PRH1: variants seen among roughly 807,000 people sequenced by gnomAD.
The protein encoded by PRH1 is salivary acidic proline-rich phosphoprotein 1/2.
In PRH1, 7 loss-of-function variants were observed where a neutral mutation model predicts 7.9. That is an observed-to-expected ratio of 0.89 (90% CI 0.50 to 1.67). The LOEUF is 1.67. Ranked by LOEUF, PRH1 falls within the 40% of genes most tolerant of loss-of-function variation. The pLI is 0.00. For synonymous variants in PRH1, 45 were observed against 80.8 expected (o/e 0.56, Z 2.38); for missense variants, 109 against 223.6 (o/e 0.49, Z 3.27).
chr12:10,882,996 G>A, intron 2 of PRH1, 65 bp downstream of exon 2: 3 of 1,562,860 alleles, frequency 1.9e-6, no homozygotes, highest in South Asian at 1.1e-5. Flanking sequence ...GAAGACACTG[G>A]AGAACTCATC....
chr12:11,151,218 A>G (rs572497372), intron 1 of PRH1, among the ~76,000 whole-genome samples: 4 of 151,534 alleles, frequency 2.6e-5, no homozygotes, highest in Admixed American at 2.0e-4. Flanking sequence ...ACATCCACAC[A>G]AATGCACACG....
In PRH1 at chr12:11,097,939, A is replaced by C. The variant is rs1391662326; in HGVS notation, n.124-50751T>G. Among the ~76,000 whole-genome samples, 3 of 88,656 alleles carry C rather than the reference A, an allele frequency of 3.4e-5. 1 individual carries two copies. Among genetic ancestry groups the C allele is most frequent in the Non-Finnish European group, 5.7e-5 (2 of 35,398 alleles). The allele number at this position is 88,656 out of a possible 152,430, so 58.2% of individuals were successfully genotyped here. A position where few individuals can be genotyped will look rare whatever the true frequency, so the allele number is the denominator to read the frequency against. The stretch of plus-strand genomic sequence containing the variant: ...ATGGTATTTCATCAAGAATAATGTA[A>C]AACCAACATATTTTCAACGATTTAT... On this transcript the variant is annotated intron_variant and non_coding_transcript_variant, in intron 1 of 4. Coordinates refer to the PRH1 transcript ENST00000541977.
intron 2 of PRH1, among the ~76,000 whole-genome samples, chr12:10,966,187 G>T (rs1938491084): frequency 6.6e-6 from 1 of 152,018 alleles, no homozygotes; most frequent in South Asian, 2.1e-4. Flanking sequence ...TAGACCCTTG[G>T]TAAAGTTACT....
intron 1 of PRH1, among the ~76,000 whole-genome samples, chr12:11,004,255 G>T (rs1024275534): frequency 6.6e-6 from 1 of 152,144 alleles, no homozygotes; most frequent in African/African-American, 2.4e-5. Flanking sequence ...AGCACTTTGG[G>T]AAGCCAAGGT....
rs1169519085 is a variant in PRH1, at chr12:11,066,188, C to T, written n.124-19000G>A. Among the ~76,000 whole-genome samples, 4 of 119,606 alleles carry T rather than the reference C, an allele frequency of 3.3e-5. No individual in the cohort carries two copies. In the East Asian group the frequency reaches 8.2e-4, roughly 25 times the overall value. 78.5% of individuals were successfully genotyped at this position (119,606 alleles called of 152,430 possible). A position where few individuals can be genotyped will look rare whatever the true frequency, so the allele number is the denominator to read the frequency against. ...TTCTAAAGAATTCCACCATTTAATCCCTATCCGTGAGTATAGTTTTGTTTA... is the reference window on the plus strand; with the variant it reads ...TTCTAAAGAATTCCACCATTTAATCTCTATCCGTGAGTATAGTTTTGTTTA... On this transcript the variant is annotated intron_variant and non_coding_transcript_variant, in intron 1 of 4. Coordinates refer to the PRH1 transcript ENST00000541977.
intron 1 of PRH1, chr12:11,171,336 G>T: frequency 8.1e-7 from 1 of 1,228,926 alleles, no homozygotes. Flanking sequence ...CAGACGCTGG[G>T]CGGGCGGCGA....
At chr12:11,120,022 C>T (rs1224234594), downstream of PRH1, among the ~76,000 whole-genome samples, 1 of 152,114 alleles carries the variant, frequency 6.6e-6, no homozygotes, top group Non-Finnish European at 1.5e-5. Context: ...AATATATGTG[C>T]TTGAGAATTT....
intron 2 of PRH1, among the ~76,000 whole-genome samples, chr12:10,966,932 G>A (rs980155539): frequency 1.3e-5 from 2 of 152,058 alleles, no homozygotes; most frequent in Admixed American, 6.6e-5. Context: ...TGGCTAACAC[G>A]GTGAAACCCC....
At chr12:11,160,689 G>A (rs946325545) in intron 1 of PRH1, among the ~76,000 whole-genome samples, 5 of 151,956 alleles carry the variant, frequency 3.3e-5, no homozygotes, top group African/African-American at 1.2e-4. Flanking sequence ...CAGGCAGGCT[G>A]GTCTCAAACT....
chr12:11,126,453 T>C lies in PRH1; in HGVS notation n.40-5273A>G, dbSNP rs1404939090. ...ACATTCTTTATAAACGTCTCTCTAGTTGGTTCATTTTGATTGCTGTATAGT... is the reference window on the plus strand; with the variant it reads ...ACATTCTTTATAAACGTCTCTCTAGCTGGTTCATTTTGATTGCTGTATAGT... On this transcript the variant is annotated intron_variant and non_coding_transcript_variant, in intron 1 of 1. Coordinates refer to the PRH1 transcript ENST00000541175. Among the ~76,000 whole-genome samples, 4 of 152,240 alleles carry C rather than the reference T, an allele frequency of 2.6e-5. No individual in the cohort carries two copies. The South Asian group carries it at 8.3e-4, about 31-fold the overall frequency.
At chr12:10,967,388 A>T (rs2135943899) in intron 2 of PRH1, among the ~76,000 whole-genome samples, 1 of 152,354 alleles carries the variant, frequency 6.6e-6, no homozygotes, top group East Asian at 1.9e-4. Context: ...TAAAAATGGT[A>T]AACACAGCAA....
intron 1 of PRH1, among the ~76,000 whole-genome samples, chr12:11,129,149 A>G (rs1181398981): frequency 6.6e-6 from 1 of 152,284 alleles, no homozygotes. Flanking sequence ...TCCTGCTCTC[A>G]AGGGATCTTC....
chr12:11,139,198 T>A lies in PRH1; in HGVS notation n.40-18018A>T, dbSNP rs117984941. On this transcript the variant is annotated intron_variant and non_coding_transcript_variant, in intron 1 of 1. Transcript: ENST00000541175. Reference sequence around the variant, plus strand: ...AAATGTACTTATGTTTTTGCTTTTTTAACATTTTTTTATTGGGGAATATAA... The same window carrying A: ...AAATGTACTTATGTTTTTGCTTTTTAAACATTTTTTTATTGGGGAATATAA... 1.2e-3 allele frequency among the ~76,000 whole-genome samples: 188 copies of A among 152,336 alleles called. 7 individuals are homozygous for A. In the East Asian group the frequency reaches 0.035, roughly 28 times the overall value.
At chr12:10,944,006 T>G (rs1950446117) in intron 2 of PRH1, among the ~76,000 whole-genome samples, 1 of 152,218 alleles carries the variant, frequency 6.6e-6, no homozygotes, top group African/African-American at 2.4e-5. Context: ...GGTAATGTGA[T>G]TCCTCTAGCT....
At chr12:10,987,697 C>T (rs1425644565) in intron 1 of PRH1, among the ~76,000 whole-genome samples, 2 of 151,956 alleles carry the variant, frequency 1.3e-5, no homozygotes, top group South Asian at 2.1e-4. Flanking sequence ...TTTCAGACCC[C>T]CCCCAAAAAA....
At chr12:11,104,267 T>G (rs1377110662) in intron 1 of PRH1, among the ~76,000 whole-genome samples, 1 of 152,094 alleles carries the variant, frequency 6.6e-6, no homozygotes, top group Non-Finnish European at 1.5e-5. Flanking sequence ...GTTGATATTT[T>G]CCTCCCTTCT....
At chr12:10,944,297 C>T (rs950980697) in intron 2 of PRH1, among the ~76,000 whole-genome samples, 1 of 151,822 alleles carries the variant, frequency 6.6e-6, no homozygotes, top group Non-Finnish European at 1.5e-5. Context: ...TTTTCACTTC[C>T]CTCGTTTGCT....
intron 1 of PRH1, among the ~76,000 whole-genome samples, chr12:11,083,023 T>G (rs1276090810): frequency 8.6e-6 from 1 of 116,338 alleles, no homozygotes; most frequent in African/African-American, 2.9e-5. Flanking sequence ...TCTTGAATAT[T>G]CAAAAAATTT....
At chr12:10,895,915 C>T (rs147848464) in intron 2 of PRH1, 3 of 152,210 alleles carry the variant, frequency 2.0e-5, no homozygotes, top group African/African-American at 7.2e-5. Flanking sequence ...CTTCAATACA[C>T]CATTGGCTGA....
Sources: allele counts gnomAD v4.1 joint callset (sites outside exome capture counted in the v4.1 genomes callset), GRCh38; gene constraint gnomAD v4.1.1; transcripts MANE v1.5; gene names NCBI Gene and HGNC (gene_info 2026-07-23, HGNC 2026-07-21).